Variants in OSBPL1A observed in about 807,000 individuals in gnomAD.
OSBPL1A encodes the protein oxysterol binding protein like 1A.
In OSBPL1A, 80 loss-of-function variants were observed where a neutral mutation model predicts 137.1. The observed-to-expected ratio is 0.58, with a 90% CI of 0.49 to 0.70. The LOEUF is 0.70. Ranked by LOEUF, OSBPL1A falls within the 30% of genes least tolerant of loss-of-function variation. The pLI is 0.00. For missense variants in OSBPL1A, 970 were observed against 1,129.4 expected, an observed-to-expected ratio of 0.86 and a Z score of 2.02; for synonymous variants, 365 against 389.7, an observed-to-expected ratio of 0.94 and a Z score of 0.75.
chr18:24,280,329 G>A (rs1008318998), intron 15 of OSBPL1A, among the ~76,000 whole-genome samples: 5 of 152,072 alleles, frequency 3.3e-5, no homozygotes, highest in African/African-American at 7.2e-5. Context: ...TGATCTGCCC[G>A]CCTCAGCCTC....
intron 7 of OSBPL1A, 63 bp from the exon 8 acceptor site, chr18:24,318,872 G>GCAGT: frequency 3.8e-6 from 5 of 1,318,236 alleles, no homozygotes; most frequent in Non-Finnish European, 5.4e-6. Context: ...AATCAATGCT[G>GCAGT]TAACTGCAGC....
intron 16 of OSBPL1A, among the ~76,000 whole-genome samples, chr18:24,238,475 A>G (rs1211392692): frequency 6.6e-6 from 1 of 152,124 alleles, no homozygotes; most frequent in African/African-American, 2.4e-5. Flanking sequence ...CTCCACGTGC[A>G]TTCCCCATTT....
At chr18:24,182,969 C>T (rs370119774) in intron 18 of OSBPL1A, among the ~76,000 whole-genome samples, 142 of 151,980 alleles carry the variant, frequency 9.3e-4, no homozygotes, top group African/African-American at 3.1e-3. Context: ...CCCAGGTTCA[C>T]GCAATTCTCC....
intron 16 of OSBPL1A, among the ~76,000 whole-genome samples, chr18:24,233,681 C>T (rs2088352293): frequency 6.6e-6 from 1 of 152,120 alleles, no homozygotes; most frequent in African/African-American, 2.4e-5. Context: ...CAGAGTCTCG[C>T]TCTGTTGCCC....
intron 15 of OSBPL1A, among the ~76,000 whole-genome samples, chr18:24,240,708 C>CA (rs1555635910): frequency 6.6e-6 from 1 of 151,856 alleles, no homozygotes; most frequent in Non-Finnish European, 1.5e-5. Flanking sequence ...CTTCAAACTA[C>CA]TTTTTTTTTC....
chr18:24,360,125 G>A (rs1599713332), intron 4 of OSBPL1A, among the ~76,000 whole-genome samples: 1 of 151,964 alleles, frequency 6.6e-6, no homozygotes, highest in East Asian at 1.9e-4. Context: ...CCCGACACCA[G>A]GCCCAGCTAA....
At chr18:24,250,162 G>GT (rs2089037000) in intron 15 of OSBPL1A, among the ~76,000 whole-genome samples, 2 of 58,836 alleles carry the variant, frequency 3.4e-5, no homozygotes, top group Non-Finnish European at 7.4e-5. Context: ...GTTTTTGTTT[G>GT]TTTGTTTGTT....
At chr18:24,273,660 G>T (rs1477532706) in intron 15 of OSBPL1A, among the ~76,000 whole-genome samples, 1 of 152,134 alleles carries the variant, frequency 6.6e-6, no homozygotes, top group Non-Finnish European at 1.5e-5. Context: ...CACATGCCAA[G>T]TACCATGCTA....
At chr18:24,164,420 G>GGTTTTTTT (rs199563115) in intron 27 of OSBPL1A, among the ~76,000 whole-genome samples, 2 of 95,970 alleles carry the variant, frequency 2.1e-5, no homozygotes, top group Non-Finnish European at 1.9e-5. Flanking sequence ...GAGATTTTTG[G>GGTTTTTTT]TTTTTTTTTT....
At chr18:24,341,017 G>T (rs962342891) in intron 5 of OSBPL1A, among the ~76,000 whole-genome samples, 7 of 152,012 alleles carry the variant, frequency 4.6e-5, no homozygotes, top group Non-Finnish European at 7.4e-5. Context: ...CTTTTCGGCT[G>T]GGGGGTCTCA....
In OSBPL1A at chr18:24,167,412, C is replaced by A. The variant is rs2086171477; in HGVS notation, c.2452G>T (p.Val818Leu). The A allele has an allele frequency of 1.2e-6, 2 of 1,614,220 alleles. No homozygotes were observed. Among genetic ancestry groups the A allele is most frequent in the Middle Eastern group, 1.6e-4 (1 of 6,062 alleles). The change falls in exon 25 of 28, where the codon GTG becomes TTG. Residue 818 changes from valine (V) to leucine (L), a missense_variant. Coordinates refer to ENST00000319481, the MANE Select transcript of OSBPL1A (RefSeq NM_080597.4). The stretch of plus-strand genomic sequence containing the variant: ...ATGAATACACTTTCAGAATCCGGCA[C>A]TGGCATTTCATCCAACTCCTCAGAG... ...STSEELDEMP[V>L]PDSESVFIIP...
At chr18:24,263,300 G>A (rs2089484664) in intron 15 of OSBPL1A, among the ~76,000 whole-genome samples, 1 of 152,154 alleles carries the variant, frequency 6.6e-6, no homozygotes, top group Non-Finnish European at 1.5e-5. Context: ...ACCAGGTGCT[G>A]TGCTAAGTAC....
chr18:24,256,606 C>A (rs182738109), intron 15 of OSBPL1A, among the ~76,000 whole-genome samples: 3 of 152,178 alleles, frequency 2.0e-5, no homozygotes, highest in Non-Finnish European at 2.9e-5. Context: ...TACTGTTAGT[C>A]CTAGCTAGAG....
At chr18:24,354,148 A>G (rs890992066) in intron 4 of OSBPL1A, among the ~76,000 whole-genome samples, 1 of 152,192 alleles carries the variant, frequency 6.6e-6, no homozygotes, top group Admixed American at 6.5e-5. Flanking sequence ...AAAAAAACTC[A>G]AGTTAAAACT....
At chr18:24,225,344 G>A (rs1369320135) in intron 16 of OSBPL1A, 146 bp from the exon 17 acceptor site, 4 of 741,102 alleles carry the variant, frequency 5.4e-6, no homozygotes, top group Non-Finnish European at 6.5e-6. Context: ...TACCTCCTCA[G>A]GGATTTCACA....
intron 1 of OSBPL1A, among the ~76,000 whole-genome samples, chr18:24,379,649 C>G (rs934629543): frequency 6.6e-6 from 1 of 151,904 alleles, no homozygotes; most frequent in Non-Finnish European, 1.5e-5. Flanking sequence ...GGTAGGATCA[C>G]TTGAGGCCAG....
chr18:24,392,398 A>G (rs1349398752), intron 1 of OSBPL1A, among the ~76,000 whole-genome samples: 3 of 152,026 alleles, frequency 2.0e-5, no homozygotes, highest in African/African-American at 7.3e-5. Flanking sequence ...ACTTCAGGTG[A>G]TCTGCCCACC....
chr18:24,229,541 C>T (rs9807655), intron 16 of OSBPL1A, among the ~76,000 whole-genome samples: 6,115 of 152,270 alleles, frequency 0.04, 392 homozygotes, highest in African/African-American at 0.14. Context: ...ACCAATCTAT[C>T]GCTAGTACAG....
At chr18:24,178,527 G>A (rs1303634263) in intron 20 of OSBPL1A, among the ~76,000 whole-genome samples, 2 of 152,042 alleles carry the variant, frequency 1.3e-5, no homozygotes, top group African/African-American at 2.4e-5. Flanking sequence ...TCCTGACCTC[G>A]TGATCAACCC....
Sources: allele counts gnomAD v4.1 joint callset (sites outside exome capture counted in the v4.1 genomes callset), GRCh38; gene constraint gnomAD v4.1.1; transcripts MANE v1.5; gene names NCBI Gene and HGNC (gene_info 2026-07-23, HGNC 2026-07-21).